The following ALDH1A2 variants were observed in gnomAD, a reference collection of about 807,000 sequenced individuals.
ALDH1A2 encodes retinal dehydrogenase 2.
ALDH1A2 carries 27 observed loss-of-function variants against 60.3 expected under a neutral mutation model. That is an observed-to-expected ratio of 0.45 (90% CI 0.33 to 0.62). The LOEUF (loss-of-function observed/expected upper bound fraction) is 0.62, where lower values mean the gene tolerates loss of function less well. Among genes scored for constraint, ALDH1A2 ranks in the 20% least tolerant of loss-of-function variants. The pLI is 0.02. For missense variants in ALDH1A2, 581 were observed against 643.8 expected (o/e 0.90, Z 1.06); for synonymous variants, 289 against 232.4 (o/e 1.24, Z -2.21).
intron 1 of ALDH1A2, among the ~76,000 whole-genome samples, chr15:58,039,126 G>C (rs1896450697): frequency 6.6e-6 from 1 of 151,740 alleles, no homozygotes; most frequent in African/African-American, 2.4e-5. Context: ...AATGGCTGTT[G>C]ATTAAATGTA....
intron 3 of ALDH1A2, among the ~76,000 whole-genome samples, chr15:58,013,166 G>A (rs185305535): frequency 2.4e-4 from 36 of 152,284 alleles, no homozygotes; most frequent in Admixed American, 1.4e-3. Context: ...AGAAGTGTAT[G>A]AGAGGTCCGT....
intron 7 of ALDH1A2, among the ~76,000 whole-genome samples, chr15:57,981,645 G>T (rs1395371009): frequency 6.6e-6 from 1 of 152,122 alleles, no homozygotes; most frequent in African/African-American, 2.4e-5. Context: ...CACACAGCAG[G>T]AAAGCTGGAA....
intron 1 of ALDH1A2, among the ~76,000 whole-genome samples, chr15:58,031,618 G>A (rs1362653644): frequency 6.6e-6 from 1 of 152,134 alleles, no homozygotes; most frequent in Non-Finnish European, 1.5e-5. Flanking sequence ...CTACCCATCT[G>A]ACACAGGGCT....
chr15:57,956,565 G>C (rs763846906), intron 12 of ALDH1A2, among the ~76,000 whole-genome samples: 16 of 152,196 alleles, frequency 1.1e-4, no homozygotes, highest in Non-Finnish European at 2.2e-4. Flanking sequence ...GGGGCAAGCA[G>C]GCTGTTCTCC....
chr15:57,992,778 T>G lies in ALDH1A2; in HGVS notation c.725A>C (p.Tyr242Ser). The change falls in exon 7 of 13, where the codon TAT (tyrosine) becomes TCT (serine). Residue 242 changes from tyrosine to serine, a missense_variant. Transcript: ENST00000249750. ...TATTGCTGCCCCAGCCGTTGGCCCA[T>G]ATCCTGGCAAAATATTGATGACCCC... ...PPGVINILPGYGPTAGAAIAS... is the reference protein window; with the variant it reads ...PPGVINILPGSGPTAGAAIAS... The G allele has an allele frequency of 6.2e-7, 1 of 1,614,132 alleles. No individual in the cohort carries two copies. The highest frequency in any genetic ancestry group is 1.7e-5 in the Admixed American group (1 of 60,022).
At chr15:58,058,055 T>C (rs971583119) in intron 1 of ALDH1A2, 110 of 1,533,964 alleles carry the variant, frequency 7.2e-5, no homozygotes, top group Non-Finnish European at 9.5e-5. Flanking sequence ...AGTCTCACAC[T>C]GATTCTTCAT....
intron 1 of ALDH1A2, among the ~76,000 whole-genome samples, chr15:58,031,246 C>G (rs1202852367): frequency 1.3e-5 from 2 of 152,080 alleles, no homozygotes; most frequent in Non-Finnish European, 2.9e-5. Flanking sequence ...ACAAACCTGA[C>G]AAAAACAAGA....
In ALDH1A2 at chr15:58,059,186, T is replaced by G. The variant is rs181814333; in HGVS notation, c.117+6348A>C. Among the ~76,000 whole-genome samples, 258 of 152,228 alleles carry G rather than the reference T, an allele frequency of 1.7e-3. 2 individuals are homozygous for G. Among genetic ancestry groups the G allele is most frequent in the South Asian group, 0.011 (52 of 4,824 alleles). ...TATTTAAAAGGTTAAATGAAATAGA[T>G]CTCAAAGATACAATTAAAGGCAATT... On this transcript the variant is annotated intron_variant, in intron 1 of 12. Transcript: ENST00000249750.
At chr15:58,010,144 G>C (rs191323941) in intron 4 of ALDH1A2, among the ~76,000 whole-genome samples, 7 of 152,052 alleles carry the variant, frequency 4.6e-5, no homozygotes, top group African/African-American at 1.7e-4. Context: ...AGTAATTCAC[G>C]GCCGTTCGAG....
At chr15:58,064,312 A>G (rs1897117712) in intron 1 of ALDH1A2, among the ~76,000 whole-genome samples, 1 of 152,316 alleles carries the variant, frequency 6.6e-6, no homozygotes, top group South Asian at 2.1e-4. Context: ...TTGTCACACC[A>G]TCTAAAAAAG....
chr15:57,962,198 G>T (rs763325191), intron 9 of ALDH1A2, 22 bp from the exon 10 acceptor site: 1 of 1,611,708 alleles, frequency 6.2e-7, no homozygotes, highest in Non-Finnish European at 8.5e-7. Flanking sequence ...AAGACTTAAT[G>T]ACTCCAAATA....
intron 1 of ALDH1A2, among the ~76,000 whole-genome samples, chr15:58,024,545 G>A (rs1896022018): frequency 6.6e-6 from 1 of 152,040 alleles, no homozygotes; most frequent in African/African-American, 2.4e-5. Context: ...ATCAAACACT[G>A]GAGCACCCAG....
intron 4 of ALDH1A2, among the ~76,000 whole-genome samples, chr15:58,005,957 T>G (rs1311989556): frequency 6.6e-6 from 1 of 152,000 alleles, no homozygotes; most frequent in Non-Finnish European, 1.5e-5. Context: ...AAAATTTATT[T>G]GTAACCCAAA....
Position 57,997,486 on chromosome 15 carries a change from T to C in ALDH1A2, c.494-2347A>G, listed in dbSNP as rs149574324. Among the ~76,000 whole-genome samples the C allele has an allele frequency of 3.9e-3, 595 of 151,528 alleles. 3 individuals carry two copies. The highest frequency in any genetic ancestry group is 0.014 in the African/African-American group (561 of 41,334). ...GTGCAAATGGGGCTGAGGAAAAAAA[T>C]TGGAAGATGAACAGAAGAGTACACG... On this transcript the variant is annotated intron_variant, in intron 4 of 12. Transcript: ENST00000249750.
Position 58,057,275 on chromosome 15 carries a change from C to A in ALDH1A2, c.117+8259G>T, listed in dbSNP as rs1312364858. ...GTACATCCAACAACATGGATGAATA[C>A]TGAACATATGTTTAACAAGCTAATC... On this transcript the variant is annotated intron_variant, in intron 1 of 12. Transcript: ENST00000249750. Among the ~76,000 whole-genome samples the A allele has an allele frequency of 2.6e-5, 4 of 152,054 alleles. No individual in the cohort carries two copies. In the East Asian group the frequency reaches 5.8e-4, roughly 22 times the overall value.
intron 7 of ALDH1A2, chr15:57,980,456 A>C (rs1394263105): frequency 3.0e-6 from 1 of 338,002 alleles, no homozygotes; most frequent in South Asian, 3.2e-5. Context: ...CAGCTTGTTC[A>C]TGAGTATGCA....
chr15:58,038,557 T>A (rs1896434506), intron 1 of ALDH1A2: 1 of 151,700 alleles, frequency 6.6e-6, no homozygotes, highest in African/African-American at 2.4e-5. Context: ...TGACATCTGT[T>A]TTAGGAAAAA....
intron 1 of ALDH1A2, among the ~76,000 whole-genome samples, chr15:58,053,702 A>C (rs1310888976): frequency 6.6e-6 from 1 of 152,120 alleles, no homozygotes; most frequent in African/African-American, 2.4e-5. Flanking sequence ...ATGATACCAG[A>C]ATGTGGGCAA....
intron 1 of ALDH1A2, among the ~76,000 whole-genome samples, chr15:58,042,851 T>C (rs1202350135): frequency 2.0e-5 from 3 of 151,944 alleles, no homozygotes; most frequent in African/African-American, 7.2e-5. Flanking sequence ...CACTGGATCA[T>C]AACACTGGAG....
Sources: gnomAD v4.1 joint callset for allele counts (sites outside exome capture counted in the v4.1 genomes callset) on GRCh38, gnomAD v4.1.1 for gene constraint, MANE v1.5 for transcripts, NCBI Gene and HGNC (gene_info 2026-07-23, HGNC 2026-07-21) for gene names.